PREX2: variants seen among roughly 807,000 people sequenced by gnomAD.
PREX2 encodes phosphatidylinositol-3,4,5-trisphosphate dependent Rac exchange factor 2.
A neutral mutation model predicts 203.2 loss-of-function variants in PREX2; 107 were observed. The ratio of observed to expected loss-of-function variants is 0.53; its 90% CI spans 0.45 to 0.62. The LOEUF (loss-of-function observed/expected upper bound fraction) is 0.62. PREX2 is among the 20% of genes least tolerant of loss of function. The pLI, the probability that PREX2 is intolerant of heterozygous loss-of-function variation, is 0.00. For missense variants in PREX2, 1,777 were observed against 1,955.9 expected (o/e 0.91, Z 1.72); for synonymous variants, 672 against 663.6 (o/e 1.01, Z -0.19).
chr8:67,953,930 A>T (rs1805425606), intron 1 of PREX2, among the ~76,000 whole-genome samples: 1 of 152,214 alleles, frequency 6.6e-6, no homozygotes, highest in Non-Finnish European at 1.5e-5. Context: ...TTTTGGTAAC[A>T]AAGTTCTTTG....
intron 8 of PREX2, among the ~76,000 whole-genome samples, chr8:68,050,268 G>C (rs922416442): frequency 2.0e-5 from 3 of 152,178 alleles, no homozygotes; most frequent in African/African-American, 7.2e-5. Flanking sequence ...ATCACTACCC[G>C]AGACTGGGTA....
intron 8 of PREX2, among the ~76,000 whole-genome samples, chr8:68,050,075 T>C: frequency 6.6e-6 from 1 of 152,072 alleles, no homozygotes; most frequent in East Asian, 1.9e-4. Context: ...TATATATATA[T>C]GTTTATAATT....
Position 68,097,138 on chromosome 8 carries a change from C to A in PREX2, c.2490C>A (p.Gly830=), listed in dbSNP as rs1810106462. ...GVVYEYDSTA[G]IKCNVVEKMI... ...TGTATGAGTACGACAGCACAGCTGG[C>A]ATCAAGTGCAATGTGGTGGAAAAGA... Residue 830 remains glycine (G), a synonymous_variant, in exon 22 of 40, where the codon GGC becomes GGA. Coordinates refer to ENST00000288368, the MANE Select transcript of PREX2 (RefSeq NM_024870.4). The A allele has an allele frequency of 6.2e-7, 1 of 1,613,880 alleles. No individual in the cohort carries two copies. Among genetic ancestry groups the A allele is most frequent in the Admixed American group, 1.7e-5 (1 of 59,988 alleles).
intron 39 of PREX2, among the ~76,000 whole-genome samples, chr8:68,230,701 C>T (rs1376430912): frequency 6.6e-6 from 1 of 152,114 alleles, no homozygotes; most frequent in Non-Finnish European, 1.5e-5. Context: ...CATTTCCAGG[C>T]ATCTCCATGG....
intron 18 of PREX2, among the ~76,000 whole-genome samples, chr8:68,084,735 A>G (rs942489802): frequency 1.5e-4 from 23 of 152,160 alleles, no homozygotes; most frequent in African/African-American, 4.3e-4. Flanking sequence ...CCTTTATTCA[A>G]CTCTGTCTAG....
chr8:68,091,716 T>C (rs1809880154), intron 20 of PREX2, among the ~76,000 whole-genome samples: 1 of 152,224 alleles, frequency 6.6e-6, no homozygotes, highest in Non-Finnish European at 1.5e-5. Context: ...ATTGAATGAA[T>C]GTTTAAAGTC....
chr8:68,133,074 G>T (rs535319370), intron 31 of PREX2, among the ~76,000 whole-genome samples: 1 of 152,154 alleles, frequency 6.6e-6, no homozygotes, highest in Non-Finnish European at 1.5e-5. Context: ...AGCCAGGAAG[G>T]CCTCAGAAAA....
At chr8:68,224,469 T>C (rs1200469911) in intron 38 of PREX2, 90 bp from the exon 39 acceptor site, 1 of 984,312 alleles carries the variant, frequency 1.0e-6, no homozygotes, top group African/African-American at 1.6e-5. Context: ...AAGACATTGT[T>C]TGAATAAGTA....
intron 33 of PREX2, among the ~76,000 whole-genome samples, chr8:68,140,810 A>C (rs1242803171): frequency 6.6e-6 from 1 of 152,176 alleles, no homozygotes; most frequent in African/African-American, 2.4e-5. Flanking sequence ...ATTTGAATTC[A>C]TCCTTCTTAC....
chr8:67,996,821 G>A (rs915075696), intron 1 of PREX2, among the ~76,000 whole-genome samples: 3 of 152,144 alleles, frequency 2.0e-5, no homozygotes, highest in Non-Finnish European at 4.4e-5. Context: ...TCTGTAAGGA[G>A]TGAAATAGGA....
intron 32 of PREX2, among the ~76,000 whole-genome samples, chr8:68,136,052 G>A (rs937890582): frequency 5.9e-5 from 9 of 152,188 alleles, no homozygotes; most frequent in African/African-American, 2.2e-4. Context: ...AAGTAGACTA[G>A]TGGTTGCCTA....
At chr8:67,959,257 G>GT (rs1230044421) in intron 1 of PREX2, among the ~76,000 whole-genome samples, 2 of 151,960 alleles carry the variant, frequency 1.3e-5, no homozygotes. Flanking sequence ...GGGAAGTGGG[G>GT]TGTGTGAAGA....
chr8:68,191,191 C>T (rs1019033121), intron 35 of PREX2, among the ~76,000 whole-genome samples: 4 of 152,084 alleles, frequency 2.6e-5, no homozygotes, highest in Admixed American at 6.5e-5. Flanking sequence ...CACTTCTAAT[C>T]GGAGCATAAC....
chr8:68,226,305 T>C (rs1414482374), intron 39 of PREX2, among the ~76,000 whole-genome samples: 3 of 152,112 alleles, frequency 2.0e-5, no homozygotes, highest in African/African-American at 7.2e-5. Context: ...ATTAAAAAGA[T>C]GAGGTGAAGA....
At chr8:68,005,183 C>CTGATATT (rs1807056894) in intron 1 of PREX2, among the ~76,000 whole-genome samples, 1 of 152,128 alleles carries the variant, frequency 6.6e-6, no homozygotes, top group African/African-American at 2.4e-5. Flanking sequence ...TTGCTCGGGC[C>CTGATATT]CAAAATGTAG....
chr8:68,216,865 G>A (rs958448712), intron 37 of PREX2, among the ~76,000 whole-genome samples: 2 of 151,914 alleles, frequency 1.3e-5, no homozygotes, highest in African/African-American at 4.8e-5. Context: ...GGGAGACTGA[G>A]GCAGGAGAAT....
chr8:68,220,635 A>G (rs1373813429), intron 38 of PREX2, among the ~76,000 whole-genome samples: 1 of 152,152 alleles, frequency 6.6e-6, no homozygotes, highest in Non-Finnish European at 1.5e-5. Flanking sequence ...CTCCAGGGTA[A>G]CCAACCTCAG....
At chr8:67,982,800 T>G (rs1367575863) in intron 1 of PREX2, among the ~76,000 whole-genome samples, 2 of 152,216 alleles carry the variant, frequency 1.3e-5, no homozygotes, top group East Asian at 3.9e-4. Flanking sequence ...GATTACAGTT[T>G]CTTTTAAACT....
chr8:68,219,346 C>T (rs1812908587), intron 38 of PREX2, among the ~76,000 whole-genome samples: 1 of 152,054 alleles, frequency 6.6e-6, no homozygotes, highest in African/African-American at 2.4e-5. Flanking sequence ...CCCGATGACT[C>T]ACTTAACTGG....
Sources: gnomAD v4.1 joint callset for allele counts (sites outside exome capture counted in the v4.1 genomes callset) on GRCh38, gnomAD v4.1.1 for gene constraint, MANE v1.5 for transcripts, NCBI Gene and HGNC (gene_info 2026-07-23, HGNC 2026-07-21) for gene names.